The following IL1RAPL2 variants were observed in gnomAD, a reference collection of about 807,000 sequenced individuals.
IL1RAPL2 encodes the protein interleukin 1 receptor accessory protein like 2, also known as X-linked interleukin-1 receptor accessory protein-like 2.
In IL1RAPL2, 3 loss-of-function variants were observed where a neutral mutation model predicts 44.1. That is an observed-to-expected ratio of 0.07 (90% CI 0.03 to 0.18). IL1RAPL2 has a LOEUF of 0.18. Ranked by LOEUF, IL1RAPL2 falls within the 10% of genes least tolerant of loss-of-function variation. The probability of loss-of-function intolerance (pLI) is 1.00; values close to 1 mark genes in which losing one functional copy is unlikely to be tolerated. For synonymous variants in IL1RAPL2, 181 were observed against 178.8 expected, an observed-to-expected ratio of 1.01 and a Z score of -0.10; for missense variants, 391 against 496.4, an observed-to-expected ratio of 0.79 and a Z score of 2.02.
At position 104,912,158 on chromosome X, in the gene IL1RAPL2, C is replaced by CTTTGTTTTGT. The variant is rs761208158; in HGVS notation, c.82+253188_82+253197dup. Among the ~76,000 whole-genome samples, 452 of 103,074 alleles carry CTTTGTTTTGT rather than the reference C, an allele frequency of 4.4e-3. 2 individuals carry two copies. Among genetic ancestry groups the CTTTGTTTTGT allele is most frequent in the African/African-American group, 7.3e-3 (208 of 28,652 alleles). 89.5% of individuals were successfully genotyped at this position (103,074 alleles called of 115,157 possible). A position where few individuals can be genotyped will look rare whatever the true frequency, so the allele number is the denominator to read the frequency against. On this transcript the variant is annotated intron_variant, in intron 2 of 10. Coordinates refer to ENST00000372582, the MANE Select transcript of IL1RAPL2 (RefSeq NM_017416.2). ...AGGGATTTTTTTTTTTCTTTTTTTCCTTTGTTTTGTTTTGTTTTGTTTTGT... is the reference window on the plus strand; with the variant it reads ...AGGGATTTTTTTTTTTCTTTTTTTCCTTTGTTTTGTTTTGTTTTGTTTTGTTTTGTTTTGT...
At chrX:104,835,344 C>T (rs1921713123) in intron 2 of IL1RAPL2, among the ~76,000 whole-genome samples, 1 of 109,906 alleles carries the variant, frequency 9.1e-6, no homozygotes, top group Admixed American at 9.7e-5. Flanking sequence ...AACATATCTC[C>T]AGGCTAACTA....
intron 5 of IL1RAPL2, among the ~76,000 whole-genome samples, chrX:105,381,840 A>T (rs1196397387): frequency 8.9e-6 from 1 of 111,885 alleles, no homozygotes; most frequent in African/African-American, 3.2e-5. Flanking sequence ...CTGATCTTTG[A>T]CAAACCTGAC....
intron 2 of IL1RAPL2, among the ~76,000 whole-genome samples, chrX:105,010,538 T>G (rs2147740871): frequency 8.9e-6 from 1 of 111,863 alleles, no homozygotes; most frequent in Non-Finnish European, 1.9e-5. Context: ...TTCCCCCACC[T>G]TAATAGCATT....
intron 5 of IL1RAPL2, among the ~76,000 whole-genome samples, chrX:105,380,751 TACAG>T (rs2035423710): frequency 8.9e-6 from 1 of 111,841 alleles, no homozygotes; most frequent in Non-Finnish European, 1.9e-5. Flanking sequence ...GTTAGGGACT[TACAG>T]ACAGCTGACA....
chrX:105,001,912 G>A (rs2030857021), intron 2 of IL1RAPL2, among the ~76,000 whole-genome samples: 1 of 111,184 alleles, frequency 9.0e-6, no homozygotes, highest in East Asian at 2.8e-4. Context: ...GAAAGATGAT[G>A]TGAAAAGTGA....
At chrX:105,206,068 G>A (rs782275882) in intron 3 of IL1RAPL2, among the ~76,000 whole-genome samples, 4 of 111,185 alleles carry the variant, frequency 3.6e-5, no homozygotes, top group Admixed American at 1.9e-4. Context: ...GATGACTCCT[G>A]TTGCTTTTGA....
intron 2 of IL1RAPL2, among the ~76,000 whole-genome samples, chrX:104,820,979 A>C (rs1250217547): frequency 1.8e-5 from 2 of 112,143 alleles, no homozygotes; most frequent in Non-Finnish European, 3.8e-5. Context: ...AATCATAAGT[A>C]AAATGTATCA....
At chrX:104,671,305 C>A (rs1689787765) in intron 2 of IL1RAPL2, among the ~76,000 whole-genome samples, 1 of 111,079 alleles carries the variant, frequency 9.0e-6, no homozygotes, top group Non-Finnish European at 1.9e-5. Context: ...CACACAAGAG[C>A]CATCCTGAGT....
chrX:105,217,632 C>T (rs1402912813), intron 3 of IL1RAPL2, among the ~76,000 whole-genome samples: 1 of 112,003 alleles, frequency 8.9e-6, no homozygotes, highest in Non-Finnish European at 1.9e-5. Context: ...AACATGCTGC[C>T]ACAAAGACAC....
At chrX:105,133,466 G>A (rs1039614062) in intron 2 of IL1RAPL2, among the ~76,000 whole-genome samples, 3 of 105,954 alleles carry the variant, frequency 2.8e-5, no homozygotes, top group African/African-American at 9.9e-5. Flanking sequence ...CTTAATTTTA[G>A]CATTTAAGTA....
In IL1RAPL2 at chrX:105,680,288, C is replaced by T. The variant is rs760968522; in HGVS notation, c.773-37079C>T. ...TGTTGGGATTACAGGCATGAGCCAC[C>T]GCACCTGGCCTGAATTTCTTTCTTT... On this transcript the variant is annotated intron_variant, in intron 6 of 10. Transcript: ENST00000372582. Among the ~76,000 whole-genome samples, 12 of 112,131 alleles carry T rather than the reference C, an allele frequency of 1.1e-4. No individual in the cohort carries two copies. In the South Asian group the frequency reaches 2.6e-3, roughly 24 times the overall value.
Position 104,967,441 on chromosome X carries a change from T to C in IL1RAPL2, c.83-228034T>C, listed in dbSNP as rs752428811. On this transcript the variant is annotated intron_variant, in intron 2 of 10. Coordinates refer to ENST00000372582, the MANE Select transcript of IL1RAPL2 (RefSeq NM_017416.2). ...AGAAAGAAGTTAGTAGCATTAACTA[T>C]ATTAAAAAATAAAAGGTTATAAATT... 3.6e-5 allele frequency among the ~76,000 whole-genome samples: 4 copies of C among 111,363 alleles called. No individual in the cohort carries two copies. The South Asian group carries it at 1.5e-3, about 41-fold the overall frequency.
At chrX:104,572,686 A>C (rs1296700302) in intron 1 of IL1RAPL2, among the ~76,000 whole-genome samples, 2 of 111,668 alleles carry the variant, frequency 1.8e-5, no homozygotes, top group Non-Finnish European at 3.8e-5. Flanking sequence ...TCTTGACCTC[A>C]CAGGCTCAAG....
chrX:105,447,809 TAAATATA>T (rs2035981964), intron 5 of IL1RAPL2, among the ~76,000 whole-genome samples: 1 of 87,943 alleles, frequency 1.1e-5, no homozygotes, highest in African/African-American at 4.6e-5. Context: ...ATTATACATA[TAAATATA>T]TAAATATATA....
intron 2 of IL1RAPL2, among the ~76,000 whole-genome samples, chrX:105,095,547 T>C (rs188959968): frequency 8.9e-6 from 1 of 112,094 alleles, no homozygotes; most frequent in East Asian, 2.8e-4. Flanking sequence ...TAAACTCATA[T>C]ATCTATGTCA....
intron 3 of IL1RAPL2, among the ~76,000 whole-genome samples, chrX:105,196,674 G>A (rs182755115): frequency 2.2e-4 from 25 of 111,319 alleles, no homozygotes; most frequent in African/African-American, 7.8e-4. Context: ...ACAGTAAAAA[G>A]CAATATGTTT....
chrX:105,224,573 C>T (rs1012520261), intron 3 of IL1RAPL2, among the ~76,000 whole-genome samples: 1 of 111,588 alleles, frequency 9.0e-6, no homozygotes, highest in African/African-American at 3.3e-5. Context: ...CTAAGTTATA[C>T]AATTTTCAAC....
chrX:104,769,188 C>G (rs1489954134), intron 2 of IL1RAPL2, among the ~76,000 whole-genome samples: 2 of 111,765 alleles, frequency 1.8e-5, no homozygotes, highest in Non-Finnish European at 3.8e-5. Flanking sequence ...TAATCACAGT[C>G]TAGGATGTCT....
At chrX:105,043,611 A>C in intron 2 of IL1RAPL2, among the ~76,000 whole-genome samples, 1 of 110,503 alleles carries the variant, frequency 9.0e-6, no homozygotes, top group East Asian at 2.8e-4. Context: ...AATAATCCAA[A>C]CAATTTCTCC....
Sources: allele counts gnomAD v4.1 joint callset (sites outside exome capture counted in the v4.1 genomes callset), GRCh38; gene constraint gnomAD v4.1.1; transcripts MANE v1.5; gene names NCBI Gene and HGNC (gene_info 2026-07-23, HGNC 2026-07-21).